The following TNIK variants were observed in gnomAD, a reference collection of about 807,000 sequenced individuals.
The protein encoded by TNIK is TRAF2 and NCK interacting kinase, also known as TRAF2 and NCK-interacting protein kinase.
Under a neutral mutation model 191.3 loss-of-function variants are expected in TNIK, and 49 were observed. That is an observed-to-expected ratio of 0.26 (90% CI 0.20 to 0.32). The LOEUF (loss-of-function observed/expected upper bound fraction) is 0.32, where lower values mean the gene tolerates loss of function less well. TNIK is among the 10% of genes least tolerant of loss of function. The pLI is 1.00. For missense variants in TNIK, 1,155 were observed against 1,702.3 expected, an observed-to-expected ratio of 0.68 and a Z score of 5.66; for synonymous variants, 594 against 600.9, an observed-to-expected ratio of 0.99 and a Z score of 0.17.
At chr3:171,409,052 A>G (rs1722073789) in intron 1 of TNIK, among the ~76,000 whole-genome samples, 1 of 152,058 alleles carries the variant, frequency 6.6e-6, no homozygotes, top group South Asian at 2.1e-4. Context: ...AGGGGGGATG[A>G]ACTATGTTTT....
chr3:171,177,838 C>T (rs1736143331), intron 7 of TNIK, among the ~76,000 whole-genome samples: 1 of 152,226 alleles, frequency 6.6e-6, no homozygotes, highest in Non-Finnish European at 1.5e-5. Flanking sequence ...TCATTTGCCT[C>T]CTTCCTTTCC....
At chr3:171,348,203 G>A (rs1712574104) in intron 2 of TNIK, among the ~76,000 whole-genome samples, 1 of 152,168 alleles carries the variant, frequency 6.6e-6, no homozygotes, top group Admixed American at 6.5e-5. Flanking sequence ...CAGAGCACAA[G>A]TACTCCCTGG....
chr3:171,351,271 A>ATATGTGTGTGTGTGTG (rs1553759336), intron 2 of TNIK, among the ~76,000 whole-genome samples: 15 of 150,360 alleles, frequency 1.0e-4, no homozygotes, highest in African/African-American at 3.7e-4. Flanking sequence ...ATATGTATAT[A>ATATGTGTGTGTGTGTG]TGTGTGTGTG....
intron 18 of TNIK, among the ~76,000 whole-genome samples, chr3:171,118,130 C>T (rs1252280010): frequency 6.6e-6 from 1 of 151,910 alleles, no homozygotes; most frequent in Admixed American, 6.5e-5. Context: ...AAATCACAAA[C>T]ATTCTTATAC....
intron 2 of TNIK, among the ~76,000 whole-genome samples, chr3:171,263,835 G>C (rs1053695855): frequency 4.0e-5 from 6 of 151,748 alleles, no homozygotes; most frequent in African/African-American, 9.7e-5. Context: ...CCCTTAAACT[G>C]AGACTTGGAG....
chr3:171,405,076 G>A (rs981562725), intron 1 of TNIK, among the ~76,000 whole-genome samples: 1 of 152,186 alleles, frequency 6.6e-6, no homozygotes, highest in Non-Finnish European at 1.5e-5. Flanking sequence ...CTTCTAGGTA[G>A]ATACAATCAT....
At chr3:171,322,175 C>T (rs1217633439) in intron 2 of TNIK, among the ~76,000 whole-genome samples, 1 of 152,124 alleles carries the variant, frequency 6.6e-6, no homozygotes, top group Non-Finnish European at 1.5e-5. Context: ...TTTCCAAAAG[C>T]TGTATTTCAC....
chr3:171,197,445 A>C (rs987976720), intron 4 of TNIK, among the ~76,000 whole-genome samples: 2 of 152,184 alleles, frequency 1.3e-5, no homozygotes, highest in African/African-American at 4.8e-5. Flanking sequence ...ATGAAAGGAC[A>C]CTATCAAGAC....
At chr3:171,176,393 A>G (rs1237553015) in intron 8 of TNIK, among the ~76,000 whole-genome samples, 2 of 152,252 alleles carry the variant, frequency 1.3e-5, no homozygotes, top group Non-Finnish European at 1.5e-5. Flanking sequence ...TAAAGGGCCT[A>G]TTTTTGTCCT....
chr3:171,306,124 A>G (rs1406240312), intron 2 of TNIK, among the ~76,000 whole-genome samples: 1 of 152,198 alleles, frequency 6.6e-6, no homozygotes, highest in Non-Finnish European at 1.5e-5. Context: ...AGGAAACAAA[A>G]TACCACATGT....
At chr3:171,116,978 A>G (rs1726807285) in intron 18 of TNIK, among the ~76,000 whole-genome samples, 1 of 152,214 alleles carries the variant, frequency 6.6e-6, no homozygotes, top group South Asian at 2.1e-4. Flanking sequence ...GACAAGGAAC[A>G]GTTGCATGGG....
At chr3:171,244,360 C>T (rs547316294) in intron 2 of TNIK, among the ~76,000 whole-genome samples, 5 of 152,168 alleles carry the variant, frequency 3.3e-5, no homozygotes, top group African/African-American at 7.2e-5. Flanking sequence ...CCACTGCGCC[C>T]GGCCAGAAAT....
chr3:171,223,363 T>C (rs1560284587), intron 3 of TNIK, among the ~76,000 whole-genome samples: 1 of 152,232 alleles, frequency 6.6e-6, no homozygotes, highest in Non-Finnish European at 1.5e-5. Flanking sequence ...TAGGGCAAGG[T>C]TGTGTTACTG....
chr3:171,351,257 ATATATATG>A (rs993826592), intron 2 of TNIK, among the ~76,000 whole-genome samples: 8 of 81,202 alleles, frequency 9.9e-5, no homozygotes, highest in African/African-American at 2.8e-4. Context: ...GAAAATATAT[ATATATATG>A]TATATATGTG....
intron 14 of TNIK, 72 bp downstream of exon 14, chr3:171,139,378 GCACACACACACACACACACA>G (rs34521732): frequency 1.9e-5 from 13 of 692,878 alleles, no homozygotes; most frequent in Admixed American, 2.1e-5. Context: ...ACGCACGCGC[GCACACACACACACACACACA>G]CACACACACA....
intron 18 of TNIK, among the ~76,000 whole-genome samples, chr3:171,117,320 A>T (rs1311169189): frequency 6.6e-6 from 1 of 152,214 alleles, no homozygotes; most frequent in Non-Finnish European, 1.5e-5. Context: ...AAATTAGCAC[A>T]GAATGGTGCT....
At chr3:171,178,490 A>G (rs1487762163) in intron 7 of TNIK, among the ~76,000 whole-genome samples, 1 of 152,192 alleles carries the variant, frequency 6.6e-6, no homozygotes, top group East Asian at 1.9e-4. Flanking sequence ...AGTGACTTTT[A>G]TTCTCTGAAC....
At chr3:171,398,796 G>A (rs898974095) in intron 1 of TNIK, among the ~76,000 whole-genome samples, 1 of 152,190 alleles carries the variant, frequency 6.6e-6, no homozygotes, top group Admixed American at 6.5e-5. Flanking sequence ...ACCATCGCAA[G>A]TCTGCAGTTT....
rs890221376 is a variant in TNIK at position 171,187,840 on chromosome 3, G to C, written c.639+862C>G. On this transcript the variant is annotated intron_variant, in intron 7 of 32. Transcript: ENST00000436636. ...TGCACCTCTGAAACCAGCCCAAGCA[G>C]ATCAAGTTTTGCCCAAGTTGTCCTG... 3.9e-5 allele frequency among the ~76,000 whole-genome samples: 6 copies of C among 152,270 alleles called. No homozygotes were observed. In the East Asian group the frequency reaches 1.2e-3, roughly 29 times the overall value.
Sources: gnomAD v4.1 joint callset for allele counts (sites outside exome capture counted in the v4.1 genomes callset) on GRCh38, gnomAD v4.1.1 for gene constraint, MANE v1.5 for transcripts, NCBI Gene and HGNC (gene_info 2026-07-23, HGNC 2026-07-21) for gene names.